Variants in RAD54L2 observed in about 807,000 individuals in gnomAD.
RAD54L2 encodes helicase ARIP4.
RAD54L2 carries 27 observed loss-of-function variants against 138.4 expected under a neutral mutation model. That is an observed-to-expected ratio of 0.20 (90% CI 0.14 to 0.27). The LOEUF (loss-of-function observed/expected upper bound fraction) is 0.27, where lower values mean the gene tolerates loss of function less well. Among genes scored for constraint, RAD54L2 ranks in the 10% least tolerant of loss-of-function variants. RAD54L2 has a pLI of 1.00. For missense variants in RAD54L2, 1,396 were observed against 1,890.2 expected (o/e 0.74, Z 4.85); for synonymous variants, 644 against 723.2 (o/e 0.89, Z 1.76).
intron 2 of RAD54L2, among the ~76,000 whole-genome samples, chr3:51,581,838 G>T (rs1266182212): frequency 6.6e-6 from 1 of 152,098 alleles, no homozygotes; most frequent in Non-Finnish European, 1.5e-5. Context: ...CTGAACTCAG[G>T]GCTGACTTAG....
intron 2 of RAD54L2, among the ~76,000 whole-genome samples, chr3:51,547,040 A>G (rs1421129161): frequency 6.6e-6 from 1 of 151,362 alleles, no homozygotes; most frequent in Non-Finnish European, 1.5e-5. Flanking sequence ...TCTTTAAACA[A>G]AAAAAAGAAA....
In RAD54L2 at chr3:51,646,437, C is replaced by T. The variant is rs372634516; in HGVS notation, c.2982C>T (p.Ser994=). 1.4e-5 allele frequency: 23 copies of T among 1,613,436 alleles called. No individual in the cohort carries two copies. Among genetic ancestry groups the T allele is most frequent in the East Asian group, 4.5e-5 (2 of 44,880 alleles). ...CGTATGCGCAGTATTACCCTGCCAG[C>T]GATCAGAGCCTGACCAGCATCCCCG... ...RPSYAQYYPA[S]DQSLTSIPAF... The change falls in exon 19 of 23, where the codon AGC becomes AGT. Residue 994 remains serine (S), a synonymous_variant. Transcript: ENST00000684192.
intron 2 of RAD54L2, among the ~76,000 whole-genome samples, chr3:51,560,040 C>T (rs1699062099): frequency 6.6e-6 from 1 of 152,118 alleles, no homozygotes; most frequent in African/African-American, 2.4e-5. Context: ...TGCCATTATG[C>T]CAGTTGTACA....
chr3:51,611,323 A>G (rs1018953736), intron 3 of RAD54L2: 4 of 150,826 alleles, frequency 2.7e-5, no homozygotes, highest in African/African-American at 7.3e-5. Context: ...AGTATATGAG[A>G]TGTTTTGATA....
intron 2 of RAD54L2, among the ~76,000 whole-genome samples, chr3:51,585,458 A>G (rs1488376612): frequency 6.6e-6 from 1 of 152,182 alleles, no homozygotes. Flanking sequence ...CTTTGTGAAC[A>G]AAGGCTTTGT....
chr3:51,590,543 A>G lies in RAD54L2; in HGVS notation c.123A>G (p.Glu41=). The G allele has an allele frequency of 6.4e-7, 1 of 1,552,400 alleles. No individual in the cohort carries two copies. Among genetic ancestry groups the G allele is most frequent in the South Asian group, 1.2e-5 (1 of 84,060 alleles). The change falls in exon 3 of 23, where the codon GAA becomes GAG. Residue 41 remains glutamate (E), a synonymous_variant. Transcript: ENST00000684192. ...VAVEECDRDD[E]EDLLDDPSLE... is the part of the protein sequence containing the mutation. The stretch of plus-strand genomic sequence containing the variant: ...TGGAGGAGTGTGACAGGGATGATGA[A>G]GAAGACCTGCTGGATGGTAAGTGGG...
rs1312307616 is a variant in RAD54L2 at position 51,633,973 on chromosome 3, C to G, written c.1080C>G (p.Asp360Glu). Reference sequence around the variant, plus strand: ...CACCTCCTGAAGCCCTCCCGGCTGACAACAAGCCTGAAGAAGTCCAGCCTC... The same window carrying G: ...CACCTCCTGAAGCCCTCCCGGCTGAGAACAAGCCTGAAGAAGTCCAGCCTC... The part of the protein sequence containing the change: ...WLPPPEALPA[D>E]NKPEEVQPRF... Residue 360 changes from aspartate to glutamate, a missense_variant, in exon 9 of 23, where the codon GAC becomes GAG. Asp to Glu is a conservative substitution (Grantham distance 45, BLOSUM62 2). Around this residue, in one of 7 missense-constraint regions of RAD54L2, gnomAD observed 169 missense variants for 235.6 expected, o/e 0.72. Coordinates refer to ENST00000684192, the MANE Select transcript of RAD54L2 (RefSeq NM_015106.4). 1.2e-6 allele frequency: 2 copies of G among 1,613,834 alleles called. No individual in the cohort carries two copies. The highest frequency in any genetic ancestry group is 1.3e-5 in the African/African-American group (1 of 74,922).
At chr3:51,619,736 A>G (rs1323322934) in intron 3 of RAD54L2, among the ~76,000 whole-genome samples, 2 of 152,166 alleles carry the variant, frequency 1.3e-5, no homozygotes, top group East Asian at 3.8e-4. Context: ...GCTTTAAACA[A>G]TATTATTTCT....
intron 22 of RAD54L2, among the ~76,000 whole-genome samples, chr3:51,660,963 C>T (rs929569271): frequency 4.1e-5 from 6 of 144,686 alleles, no homozygotes; most frequent in African/African-American, 1.6e-4. Flanking sequence ...CATTGCTCCT[C>T]CTTTTTTTGA....
intron 2 of RAD54L2, among the ~76,000 whole-genome samples, chr3:51,550,612 G>A (rs538926615): frequency 1.3e-5 from 2 of 152,042 alleles, no homozygotes; most frequent in South Asian, 2.1e-4. Flanking sequence ...GTGGTGGTGC[G>A]CCCCTGTTTT....
At chr3:51,611,883 T>C (rs535740426) in intron 3 of RAD54L2, among the ~76,000 whole-genome samples, 1 of 152,152 alleles carries the variant, frequency 6.6e-6, no homozygotes, top group African/African-American at 2.4e-5. Flanking sequence ...TACAGTACTT[T>C]TGAATGAGCT....
At chr3:51,557,062 A>G (rs1323658080) in intron 2 of RAD54L2, among the ~76,000 whole-genome samples, 3 of 152,080 alleles carry the variant, frequency 2.0e-5, no homozygotes, top group Non-Finnish European at 4.4e-5. Context: ...CTTGGCATAC[A>G]CGTACAACTG....
intron 2 of RAD54L2, among the ~76,000 whole-genome samples, chr3:51,574,668 C>A (rs950623172): frequency 3.3e-5 from 5 of 152,086 alleles, no homozygotes; most frequent in Admixed American, 3.3e-4. Context: ...CTGTTCATAT[C>A]CTTTAACCAC....
intron 7 of RAD54L2, 78 bp downstream of exon 7, chr3:51,631,009 C>A: frequency 2.2e-6 from 3 of 1,389,604 alleles, no homozygotes; most frequent in Non-Finnish European, 3.0e-6. Flanking sequence ...TGGTTATTAG[C>A]GTCACAGCCT....
At chr3:51,630,147 C>A in intron 5 of RAD54L2, 125 bp from the exon 6 acceptor site, 1 of 691,340 alleles carries the variant, frequency 1.4e-6, no homozygotes, top group Non-Finnish European at 2.5e-6. Flanking sequence ...ATGGGCTCTG[C>A]TTCTCTTCTC....
intron 3 of RAD54L2, among the ~76,000 whole-genome samples, chr3:51,615,566 G>T (rs1222269884): frequency 6.6e-6 from 1 of 152,122 alleles, no homozygotes; most frequent in East Asian, 1.9e-4. Flanking sequence ...TTTTTGTCAG[G>T]CATAATGATA....
In RAD54L2 at chr3:51,617,864, C is replaced by G. The variant is rs190628045; in HGVS notation, c.140-9689C>G. 1.6e-3 allele frequency among the ~76,000 whole-genome samples: 245 copies of G among 152,274 alleles called. 1 individual carries two copies. The highest frequency in any genetic ancestry group is 3.1e-3 in the South Asian group (15 of 4,824). ...TGCCACAGCACTTCAACTCTCGTGA[C>G]AGAGCAAAATTCTGTCTCTAAAATA... is the stretch of plus-strand genomic sequence containing the variant. On this transcript the variant is annotated intron_variant, in intron 3 of 22. Transcript: ENST00000684192.
chr3:51,631,268 C>T (rs562406885), intron 7 of RAD54L2, among the ~76,000 whole-genome samples: 1 of 152,158 alleles, frequency 6.6e-6, no homozygotes, highest in South Asian at 2.1e-4. Context: ...TTAGGAAGGT[C>T]TGGATCTAGA....
At position 51,637,153 on chromosome 3, in the gene RAD54L2, C is replaced by T; in HGVS notation, c.1340-8C>T. ...ACCCTCTGACTCCGGATCCTCTTCC[C>T]TCCCTAGAGTTTGAGAAGGCTTTAT... On this transcript the variant is annotated splice_region_variant and splice_polypyrimidine_tract_variant and intron_variant, in intron 10 of 22. Coordinates refer to ENST00000684192, the MANE Select transcript of RAD54L2 (RefSeq NM_015106.4). This position sits in a 1 kb window ranked among gnomAD's most constrained non-coding sequence, Gnocchi z 5.9. 6.4e-7 allele frequency: 1 copy of T among 1,570,186 alleles called. No individual in the cohort carries two copies. The highest frequency in any genetic ancestry group is 8.6e-7 in the Non-Finnish European group (1 of 1,157,116).
Sources: gnomAD v4.1 joint callset for allele counts (sites outside exome capture counted in the v4.1 genomes callset) on GRCh38, gnomAD v4.1.1 for gene constraint, gnomAD v4.1.1 regional missense constraint, Gnocchi (gnomAD v3.1) non-coding constraint, MANE v1.5 for transcripts, NCBI Gene and HGNC (gene_info 2026-07-23, HGNC 2026-07-21) for gene names.